Variants in PIK3C2G observed in about 807,000 individuals in gnomAD.
The protein encoded by PIK3C2G is phosphatidylinositol 3-kinase C2 domain-containing subunit gamma.
A neutral mutation model predicts 181.1 loss-of-function variants in PIK3C2G; 168 were observed. The observed-to-expected ratio is 0.93, with a 90% CI of 0.82 to 1.05. PIK3C2G has a LOEUF of 1.05. Ranked by LOEUF, PIK3C2G falls within the 50% of genes least tolerant of loss-of-function variation. The pLI is 0.00. For synonymous variants in PIK3C2G, 573 were observed against 592.2 expected (o/e 0.97, Z 0.47); for missense variants, 1,869 against 1,732.8 (o/e 1.08, Z -1.40).
intron 29 of PIK3C2G, among the ~76,000 whole-genome samples, chr12:18,585,106 C>A (rs575719000): frequency 1.3e-4 from 20 of 152,144 alleles, no homozygotes; most frequent in Non-Finnish European, 2.8e-4. Context: ...AGTACACCGA[C>A]CAGTGACACT....
the PIK3C2G span, among the ~76,000 whole-genome samples, chr12:18,661,076 T>G: frequency 6.6e-6 from 1 of 152,018 alleles, no homozygotes; most frequent in South Asian, 2.1e-4. Flanking sequence ...ATTGATGAAC[T>G]TGAGGACAGA....
intron 1 of PIK3C2G, among the ~76,000 whole-genome samples, chr12:18,275,098 A>C (rs1440703097): frequency 6.6e-6 from 1 of 152,216 alleles, no homozygotes; most frequent in Non-Finnish European, 1.5e-5. Flanking sequence ...GGGTCATGAC[A>C]GTTTGAGAAG....
Position 18,594,704 on chromosome 12 carries a change from C to A in PIK3C2G, c.4087+135C>A, listed in dbSNP as rs71539454. On this transcript the variant is annotated intron_variant, in intron 30 of 32. Coordinates refer to ENST00000538779, the MANE Select transcript of PIK3C2G (RefSeq NM_001288772.2). The stretch of plus-strand genomic sequence containing the variant: ...TAAGACTTTAATACTCTTTTCTAAC[C>A]ATTTCCATAGCGTAAACTTGAATAA... The A allele has an allele frequency of 3.0e-3, 1,388 of 464,244 alleles. 11 individuals carry two copies. Among genetic ancestry groups the A allele is most frequent in the African/African-American group, 0.026 (1,253 of 48,750 alleles). 28.8% of individuals were successfully genotyped at this position (464,244 alleles called of 1,614,324 possible).
intron 29 of PIK3C2G, among the ~76,000 whole-genome samples, chr12:18,587,813 A>T (rs1946870811): frequency 6.6e-6 from 1 of 152,014 alleles, no homozygotes; most frequent in Non-Finnish European, 1.5e-5. Flanking sequence ...CTAAGCAAAA[A>T]ACAAAACTGG....
chr12:18,272,596 G>A (rs1276298431), intron 1 of PIK3C2G, among the ~76,000 whole-genome samples: 1 of 152,058 alleles, frequency 6.6e-6, no homozygotes, highest in South Asian at 2.1e-4. Context: ...TTTTAACAAT[G>A]ACAAAATAAA....
intron 20 of PIK3C2G, chr12:18,493,736 C>T (rs1358525389): frequency 6.6e-6 from 1 of 152,224 alleles, no homozygotes; most frequent in Admixed American, 6.5e-5. Flanking sequence ...CTATCACTAT[C>T]AGTCAACTAT....
intron 12 of PIK3C2G, 58 bp downstream of exon 12, chr12:18,362,944 C>T: frequency 1.5e-6 from 2 of 1,331,240 alleles, no homozygotes; most frequent in East Asian, 5.4e-5. Context: ...AGCTTTTTCC[C>T]CCTTTTTTTA....
At chr12:18,432,202 C>T (rs1340155629) in intron 18 of PIK3C2G, among the ~76,000 whole-genome samples, 5 of 152,110 alleles carry the variant, frequency 3.3e-5, no homozygotes, top group African/African-American at 9.7e-5. Context: ...GAATCTTATA[C>T]AAACTTCTAC....
the PIK3C2G span, among the ~76,000 whole-genome samples, chr12:18,724,657 C>T: frequency 3.3e-5 from 5 of 151,954 alleles, no homozygotes; most frequent in Admixed American, 3.3e-4. Context: ...TTGTTCATTA[C>T]CTTACTTAAA....
At chr12:18,456,943 T>G (rs1947660368) in intron 18 of PIK3C2G, among the ~76,000 whole-genome samples, 1 of 152,168 alleles carries the variant, frequency 6.6e-6, no homozygotes. Flanking sequence ...TCCATTCTTT[T>G]TATATAAAAG....
At chr12:18,587,378 A>G (rs1946840179) in intron 29 of PIK3C2G, among the ~76,000 whole-genome samples, 1 of 151,998 alleles carries the variant, frequency 6.6e-6, no homozygotes, top group Admixed American at 6.6e-5. Context: ...ACAAATCAAC[A>G]TACAGAAAGG....
chr12:18,492,304 A>C lies in PIK3C2G; in HGVS notation c.2793+746A>C, dbSNP rs189895356. Among the ~76,000 whole-genome samples the C allele has an allele frequency of 8.0e-4, 122 of 152,354 alleles. 1 individual carries two copies. Among genetic ancestry groups the C allele is most frequent in the Non-Finnish European group, 6.0e-4 (41 of 68,038 alleles). On this transcript the variant is annotated intron_variant, in intron 20 of 32. Transcript: ENST00000538779. The stretch of plus-strand genomic sequence containing the variant: ...ACGGACAATAAATGTTACCTAACTG[A>C]AGTCATAAGACAGTCAAGAAAACAA...
chr12:18,266,458 A>C (rs1340280322), intron 1 of PIK3C2G, among the ~76,000 whole-genome samples: 1 of 152,164 alleles, frequency 6.6e-6, no homozygotes, highest in Non-Finnish European at 1.5e-5. Flanking sequence ...GTAAATTTTG[A>C]AATTATTAAA....
chr12:18,415,854 A>T (rs538851726), intron 16 of PIK3C2G, among the ~76,000 whole-genome samples: 1 of 152,354 alleles, frequency 6.6e-6, no homozygotes, highest in African/African-American at 2.4e-5. Flanking sequence ...AGCCTAATCC[A>T]GAGCAAGGCC....
intron 30 of PIK3C2G, 31 bp downstream of exon 30, chr12:18,594,600 G>C (rs1406116008): frequency 4.2e-5 from 46 of 1,090,490 alleles, no homozygotes; most frequent in Non-Finnish European, 5.3e-5. Flanking sequence ...ATTACGTACA[G>C]TGATTTTCAA....
intron 16 of PIK3C2G, among the ~76,000 whole-genome samples, chr12:18,416,366 A>T (rs538030960): frequency 6.6e-6 from 1 of 152,356 alleles, no homozygotes; most frequent in East Asian, 1.9e-4. Flanking sequence ...CATAAGATCC[A>T]GCTAAGGTCA....
the PIK3C2G span, chr12:18,692,971 T>C: frequency 1.4e-6 from 2 of 1,433,772 alleles, no homozygotes; most frequent in Non-Finnish European, 2.0e-6. Context: ...TTACTGAAGT[T>C]AGAGAGAATT....
chr12:18,378,821 C>T (rs1942638483), intron 13 of PIK3C2G, among the ~76,000 whole-genome samples: 2 of 152,202 alleles, frequency 1.3e-5, no homozygotes, highest in Admixed American at 1.3e-4. Context: ...GAGATACCAT[C>T]TCACACCAGT....
chr12:18,719,839 A>G, the PIK3C2G span, among the ~76,000 whole-genome samples: 1 of 152,068 alleles, frequency 6.6e-6, no homozygotes, highest in Non-Finnish European at 1.5e-5. Flanking sequence ...ATTCAAGTAA[A>G]TAATATATTA....
Sources: allele counts gnomAD v4.1 joint callset (sites outside exome capture counted in the v4.1 genomes callset), GRCh38; gene constraint gnomAD v4.1.1; transcripts MANE v1.5; gene names NCBI Gene and HGNC (gene_info 2026-07-23, HGNC 2026-07-21).